RAB27B: variants seen among roughly 807,000 people sequenced by gnomAD.
RAB27B encodes ras-related protein Rab-27B.
Under a neutral mutation model 24.6 loss-of-function variants are expected in RAB27B, and 15 were observed. The ratio of observed to expected loss-of-function variants is 0.61; its 90% confidence interval spans 0.41 to 0.94. The LOEUF (loss-of-function observed/expected upper bound fraction) is 0.94, where lower values mean the gene tolerates loss of function less well. Ranked by LOEUF, RAB27B falls within the 40% of genes least tolerant of loss-of-function variation. The probability of loss-of-function intolerance (pLI) is 0.00; values close to 1 mark genes in which losing one functional copy is unlikely to be tolerated. For missense variants in RAB27B, 261 were observed against 266.8 expected (o/e 0.98, Z 0.15); for synonymous variants, 105 against 92.5 (o/e 1.14, Z -0.78).
intron 2 of RAB27B, among the ~76,000 whole-genome samples, chr18:54,770,624 C>A (rs939265078): frequency 3.9e-5 from 6 of 152,088 alleles, no homozygotes; most frequent in Non-Finnish European, 8.8e-5. Flanking sequence ...AAACCACCCC[C>A]CAACCAACAT....
chr18:54,779,194 T>A (rs1234696053), intron 2 of RAB27B, among the ~76,000 whole-genome samples: 3 of 152,174 alleles, frequency 2.0e-5, no homozygotes, highest in Non-Finnish European at 2.9e-5. Context: ...TCATTCTAGA[T>A]TGTTTTAAAT....
intron 2 of RAB27B, among the ~76,000 whole-genome samples, chr18:54,756,128 G>C (rs1907998190): frequency 1.3e-5 from 2 of 152,182 alleles, no homozygotes; most frequent in African/African-American, 4.8e-5. Context: ...TACTGAAAAA[G>C]TATGAGGTGA....
chr18:54,807,565 G>A (rs1337254862), intron 2 of RAB27B, among the ~76,000 whole-genome samples: 2 of 152,130 alleles, frequency 1.3e-5, no homozygotes, highest in African/African-American at 2.4e-5. Context: ...CTATCAATAT[G>A]CGTATCATCT....
At chr18:54,727,096 A>G (rs1909562974) in intron 2 of RAB27B, among the ~76,000 whole-genome samples, 1 of 152,094 alleles carries the variant, frequency 6.6e-6, no homozygotes, top group African/African-American at 2.4e-5. Flanking sequence ...ATTCTACCTC[A>G]GCCTATAGCT....
At chr18:54,803,779 G>A (rs114468426) in intron 2 of RAB27B, among the ~76,000 whole-genome samples, 1 of 152,148 alleles carries the variant, frequency 6.6e-6, no homozygotes, top group Admixed American at 6.5e-5. Flanking sequence ...TTAAGCAACT[G>A]GGGGGATGAT....
At chr18:54,784,656 T>G (rs1174789539) in intron 2 of RAB27B, among the ~76,000 whole-genome samples, 1 of 152,224 alleles carries the variant, frequency 6.6e-6, no homozygotes, top group Non-Finnish European at 1.5e-5. Context: ...GTTCTTTTTT[T>G]ATGGCTGCGT....
chr18:54,803,092 A>G (rs990522906), intron 2 of RAB27B, among the ~76,000 whole-genome samples: 1 of 152,230 alleles, frequency 6.6e-6, no homozygotes, highest in Non-Finnish European at 1.5e-5. Context: ...ATGAATGTAT[A>G]TCTAGAAGAG....
At chr18:54,722,291 C>T (rs754954989) in intron 2 of RAB27B, among the ~76,000 whole-genome samples, 15 of 152,198 alleles carry the variant, frequency 9.9e-5, no homozygotes, top group Middle Eastern at 3.4e-3. Context: ...GAATTGTTTC[C>T]GAATCTTCTA....
intron 1 of RAB27B, among the ~76,000 whole-genome samples, chr18:54,860,622 C>T (rs894175905): frequency 5.3e-5 from 8 of 152,208 alleles, no homozygotes; most frequent in African/African-American, 1.9e-4. Context: ...TGAGGTAGAA[C>T]TCATTCCAAA....
rs1170363157 is a variant in RAB27B, at chr18:54,891,975, A to T, written c.*2562A>T. 1 of 152,122 alleles carries T rather than the reference A, an allele frequency of 6.6e-6. No homozygotes were observed. The highest frequency in any genetic ancestry group is 1.9e-4 in the East Asian group (1 of 5,194). 9.4% of individuals were successfully genotyped at this position (152,122 alleles called of 1,614,324 possible). ...ATCTGACCCCAGATTCTATGTAATC[A>T]TTATTAGAAATTCCTTCTCTCATTA... On this transcript the variant is annotated 3_prime_UTR_variant, in exon 6 of 6. Transcript: ENST00000262094.
At chr18:54,877,409 C>G (rs1345886596) in intron 1 of RAB27B, among the ~76,000 whole-genome samples, 158 bp from the exon 2 acceptor site, 1 of 152,156 alleles carries the variant, frequency 6.6e-6, no homozygotes, top group Non-Finnish European at 1.5e-5. Flanking sequence ...GATGTGCCTT[C>G]ACCCCTAAAG....
intron 1 of RAB27B, among the ~76,000 whole-genome samples, chr18:54,853,301 C>T (rs998445113): frequency 9.2e-5 from 14 of 152,062 alleles, no homozygotes; most frequent in Non-Finnish European, 2.9e-5. Flanking sequence ...TCTAGAAGCA[C>T]CTTTAGAAGA....
intron 2 of RAB27B, among the ~76,000 whole-genome samples, chr18:54,755,006 A>T (rs1321526892): frequency 1.3e-5 from 2 of 152,164 alleles, no homozygotes; most frequent in African/African-American, 4.8e-5. Context: ...CTCTTCTGTG[A>T]AAGAAAAAGT....
At chr18:54,844,375 C>CTTCTTTCT (rs369342894) in intron 1 of RAB27B, among the ~76,000 whole-genome samples, 3 of 145,136 alleles carry the variant, frequency 2.1e-5, no homozygotes, top group Admixed American at 6.9e-5. Flanking sequence ...ACTTTTATCT[C>CTTCTTTCT]TTCTTTCTTT....
intron 2 of RAB27B, among the ~76,000 whole-genome samples, chr18:54,723,995 T>C (rs1909445141): frequency 6.6e-6 from 1 of 151,996 alleles, no homozygotes; most frequent in African/African-American, 2.4e-5. Context: ...GCCAGAACCA[T>C]GGCATAGTGG....
chr18:54,881,383 T>C (rs1912918634), intron 3 of RAB27B, among the ~76,000 whole-genome samples: 1 of 151,964 alleles, frequency 6.6e-6, no homozygotes, highest in Non-Finnish European at 1.5e-5. Flanking sequence ...CTGCATTCTA[T>C]CTCAGGGGTC....
Position 54,889,678 on chromosome 18 carries a change from A to C in RAB27B, c.*265A>C, listed in dbSNP as rs1162422670. On this transcript the variant is annotated 3_prime_UTR_variant, in exon 6 of 6. Coordinates refer to ENST00000262094, the MANE Select transcript of RAB27B (RefSeq NM_004163.4). Reference sequence around the variant, plus strand: ...ACTCAATTTGTTTTTTCTTATAGAGAAAATGAGTATATAAGACAATATACA... The same window carrying C: ...ACTCAATTTGTTTTTTCTTATAGAGCAAATGAGTATATAAGACAATATACA... 1 of 306,784 alleles carries C rather than the reference A, an allele frequency of 3.3e-6. No individual in the cohort carries two copies. The highest frequency in any genetic ancestry group is 6.0e-6 in the Non-Finnish European group (1 of 167,756). 19.0% of individuals were successfully genotyped at this position (306,784 alleles called of 1,614,324 possible). A position where few individuals can be genotyped will look rare whatever the true frequency, so the allele number is the denominator to read the frequency against.
At chr18:54,854,429 C>T (rs546148552) in intron 1 of RAB27B, among the ~76,000 whole-genome samples, 3 of 152,206 alleles carry the variant, frequency 2.0e-5, no homozygotes, top group East Asian at 1.9e-4. Context: ...GTGTCTTTTC[C>T]GTTAACCATT....
chr18:54,801,023 T>TG (rs1330847853), intron 2 of RAB27B, among the ~76,000 whole-genome samples: 1 of 146,072 alleles, frequency 6.8e-6, no homozygotes, highest in African/African-American at 2.5e-5. Flanking sequence ...TTTTTTTTTT[T>TG]TTTTTTTTTA....
Sources: gnomAD v4.1 joint callset for allele counts (sites outside exome capture counted in the v4.1 genomes callset) on GRCh38, gnomAD v4.1.1 for gene constraint, MANE v1.5 for transcripts, NCBI Gene and HGNC (gene_info 2026-07-23, HGNC 2026-07-21) for gene names.